OLFM3: variants seen among roughly 807,000 people sequenced by gnomAD.
The protein encoded by OLFM3 is olfactomedin 3, also known as noelin-3.
A neutral mutation model predicts 48.6 loss-of-function variants in OLFM3; 20 were observed. The observed-to-expected ratio is 0.41, with a 90% CI of 0.29 to 0.60. The LOEUF (loss-of-function observed/expected upper bound fraction) is 0.60. Ranked by LOEUF, OLFM3 falls within the 20% of genes least tolerant of loss-of-function variation. The probability of loss-of-function intolerance (pLI) is 0.28; values close to 1 mark genes in which losing one functional copy is unlikely to be tolerated. For synonymous variants in OLFM3, 222 were observed against 198.1 expected, an observed-to-expected ratio of 1.12 and a Z score of -1.01; for missense variants, 437 against 544.3, an observed-to-expected ratio of 0.80 and a Z score of 1.96.
intron 1 of OLFM3, among the ~76,000 whole-genome samples, chr1:101,988,230 AAAC>A (rs1405095869): frequency 6.6e-6 from 1 of 152,164 alleles, no homozygotes; most frequent in Non-Finnish European, 1.5e-5. Context: ...AAAGTAGTCA[AAAC>A]AACATGTACA....
chr1:101,860,463 T>G (rs1656605173), intron 1 of OLFM3, among the ~76,000 whole-genome samples: 1 of 152,034 alleles, frequency 6.6e-6, no homozygotes, highest in African/African-American at 2.4e-5. Context: ...AAGAGATATG[T>G]TTTTGCAAAA....
chr1:101,921,999 C>A (rs1024256286), intron 1 of OLFM3, among the ~76,000 whole-genome samples: 4 of 151,934 alleles, frequency 2.6e-5, no homozygotes, highest in African/African-American at 7.3e-5. Context: ...ATGGAGGTTG[C>A]AGTGAGCAGA....
chr1:101,955,230 C>T (rs1660252915), intron 1 of OLFM3, among the ~76,000 whole-genome samples: 1 of 151,890 alleles, frequency 6.6e-6, no homozygotes, highest in Admixed American at 6.6e-5. Flanking sequence ...CCTAGGTTTG[C>T]TGAACATTAT....
intron 1 of OLFM3, among the ~76,000 whole-genome samples, chr1:101,958,815 T>C (rs947114981): frequency 7.3e-6 from 1 of 136,446 alleles, no homozygotes; most frequent in African/African-American, 2.7e-5. Flanking sequence ...TTGTATGTTC[T>C]TATGGTATAC....
At chr1:101,985,290 G>A (rs926748576) in intron 1 of OLFM3, among the ~76,000 whole-genome samples, 1 of 152,124 alleles carries the variant, frequency 6.6e-6, no homozygotes, top group South Asian at 2.1e-4. Flanking sequence ...TACAAATTCC[G>A]TTTGGTCATG....
chr1:101,926,609 A>C (rs7549042), intron 1 of OLFM3, among the ~76,000 whole-genome samples: 7,664 of 152,244 alleles, frequency 0.05, 613 homozygotes, highest in African/African-American at 0.17. Flanking sequence ...AGTAAAGTAT[A>C]CAAAGTCTCT....
chr1:101,980,469 T>C (rs939183868), intron 1 of OLFM3, among the ~76,000 whole-genome samples: 2 of 152,134 alleles, frequency 1.3e-5, no homozygotes, highest in South Asian at 2.1e-4. Flanking sequence ...TGAGATTTGA[T>C]GGTTTTATAA....
At chr1:101,964,269 G>A (rs996138900) in intron 1 of OLFM3, among the ~76,000 whole-genome samples, 2 of 152,122 alleles carry the variant, frequency 1.3e-5, no homozygotes, top group Non-Finnish European at 2.9e-5. Flanking sequence ...GTTGGGAAAC[G>A]TTGAATATTG....
At chr1:101,903,688 C>T (rs1259448223) in intron 1 of OLFM3, among the ~76,000 whole-genome samples, 2 of 151,996 alleles carry the variant, frequency 1.3e-5, no homozygotes, top group Non-Finnish European at 2.9e-5. Flanking sequence ...CCTGCATGTC[C>T]TATCAAAGAA....
At chr1:101,896,020 A>T (rs983478972) in intron 1 of OLFM3, among the ~76,000 whole-genome samples, 1 of 150,860 alleles carries the variant, frequency 6.6e-6, no homozygotes. Context: ...TATGCATAGT[A>T]TTTGCTTATA....
rs181207103 is a variant in OLFM3, at chr1:101,985,067, C to T, written c.69+11681G>A. ...GAAGCATCCATTTCTTTTGGCTTTC[C>T]AGCTTCTAGAGGCAGCCTGCATATG... is the stretch of plus-strand genomic sequence containing the variant. On this transcript the variant is annotated intron_variant, in intron 1 of 5. Coordinates refer to ENST00000370103, the MANE Select transcript of OLFM3 (RefSeq NM_058170.4). Among the ~76,000 whole-genome samples the T allele has an allele frequency of 3.4e-3, 523 of 152,318 alleles. 4 individuals are homozygous for T. Among genetic ancestry groups the T allele is most frequent in the African/African-American group, 0.012 (479 of 41,568 alleles).
intron 1 of OLFM3, among the ~76,000 whole-genome samples, chr1:101,849,141 A>C (rs1656126963): frequency 6.6e-6 from 1 of 152,248 alleles, no homozygotes; most frequent in Non-Finnish European, 1.5e-5. Context: ...TGTTGTTTTT[A>C]GAACAGGTTT....
intron 3 of OLFM3, among the ~76,000 whole-genome samples, chr1:101,826,042 C>T (rs1328967968): frequency 6.6e-6 from 1 of 151,968 alleles, no homozygotes; most frequent in Non-Finnish European, 1.5e-5. Context: ...GGCGAATTAA[C>T]TCTTTAAGAA....
At chr1:101,830,195 CA>C (rs1396168784) in intron 3 of OLFM3, among the ~76,000 whole-genome samples, 1 of 152,116 alleles carries the variant, frequency 6.6e-6, no homozygotes, top group Admixed American at 6.5e-5. Flanking sequence ...GTTGACATAG[CA>C]TGATTTTTTT....
At chr1:101,969,474 CT>C (rs921889658) in intron 1 of OLFM3, among the ~76,000 whole-genome samples, 1 of 151,926 alleles carries the variant, frequency 6.6e-6, no homozygotes, top group African/African-American at 2.4e-5. Context: ...GGACACTTGT[CT>C]TTTTATTATC....
chr1:101,885,440 T>A (rs1570596927), intron 1 of OLFM3, among the ~76,000 whole-genome samples: 1 of 152,114 alleles, frequency 6.6e-6, no homozygotes, highest in East Asian at 1.9e-4. Flanking sequence ...TTTAGATAAA[T>A]GAAAAAGCAA....
In OLFM3 at chr1:101,834,069, C is replaced by T. The variant is rs146367814; in HGVS notation, c.216+2810G>A. 5.1e-3 allele frequency among the ~76,000 whole-genome samples: 783 copies of T among 152,266 alleles called. 8 individuals are homozygous for T. The highest frequency in any genetic ancestry group is 0.02 in the Middle Eastern group (6 of 294). On this transcript the variant is annotated intron_variant, in intron 2 of 5. Transcript: ENST00000370103. ...TTTTGGCATACTAAGACCTGAAATA[C>T]TGTGAAACCAATTATATTTTTTCTA...
At chr1:101,882,187 G>A (rs1301764478) in intron 1 of OLFM3, among the ~76,000 whole-genome samples, 1 of 150,660 alleles carries the variant, frequency 6.6e-6, no homozygotes, top group Non-Finnish European at 1.5e-5. Context: ...GAAGATTAAT[G>A]GTGTTTTGGA....
chr1:101,824,743 A>G (rs1654777087), intron 4 of OLFM3, among the ~76,000 whole-genome samples: 1 of 152,160 alleles, frequency 6.6e-6, no homozygotes, highest in Non-Finnish European at 1.5e-5. Flanking sequence ...TGGAAAATAA[A>G]ATGTATATCC....
Sources: gnomAD v4.1 joint callset for allele counts (sites outside exome capture counted in the v4.1 genomes callset) on GRCh38, gnomAD v4.1.1 for gene constraint, MANE v1.5 for transcripts, NCBI Gene and HGNC (gene_info 2026-07-23, HGNC 2026-07-21) for gene names.